Variants in CEMIP observed in about 807,000 individuals in gnomAD.
CEMIP encodes the protein cell migration inducing hyaluronidase 1.
Under a neutral mutation model 156.9 loss-of-function variants are expected in CEMIP, and 105 were observed. The observed-to-expected ratio is 0.67, with a 90% CI of 0.57 to 0.79. The LOEUF (loss-of-function observed/expected upper bound fraction) is 0.79. Among genes scored for constraint, CEMIP ranks in the 30% least tolerant of loss-of-function variants. The pLI, the probability that CEMIP is intolerant of heterozygous loss-of-function variation, is 0.00. For missense variants in CEMIP, 1,457 were observed against 1,769.4 expected (o/e 0.82, Z 3.17); for synonymous variants, 676 against 668.4 (o/e 1.01, Z -0.17).
intron 10 of CEMIP, among the ~76,000 whole-genome samples, chr15:80,892,582 A>G (rs1021504917): frequency 6.6e-6 from 1 of 152,158 alleles, no homozygotes; most frequent in Non-Finnish European, 1.5e-5. Flanking sequence ...ACAAAAACAT[A>G]TTCTGAAGCC....
At chr15:80,910,550 G>A (rs1216445607) in intron 14 of CEMIP, among the ~76,000 whole-genome samples, 1 of 152,192 alleles carries the variant, frequency 6.6e-6, no homozygotes, top group Non-Finnish European at 1.5e-5. Context: ...ATAAAGGATT[G>A]TCTGTTGTTT....
chr15:80,922,232 C>G, intron 17 of CEMIP, 95 bp downstream of exon 17: 2 of 1,472,142 alleles, frequency 1.4e-6, no homozygotes, highest in Non-Finnish European at 1.9e-6. Flanking sequence ...TTGGCGACAG[C>G]TGGGAACAAC....
chr15:80,846,442 C>A (rs1274884952), intron 1 of CEMIP, among the ~76,000 whole-genome samples: 1 of 152,196 alleles, frequency 6.6e-6, no homozygotes, highest in African/African-American at 2.4e-5. Flanking sequence ...TAGTGCTTAG[C>A]CTGCACTAAT....
chr15:80,850,210 G>A (rs1377044339), intron 1 of CEMIP, among the ~76,000 whole-genome samples: 10 of 152,254 alleles, frequency 6.6e-5, no homozygotes, highest in South Asian at 6.2e-4. Flanking sequence ...GGAGCTGGCC[G>A]GGGAGTGATT....
intron 23 of CEMIP, among the ~76,000 whole-genome samples, chr15:80,934,115 T>C (rs1901028154): frequency 6.6e-6 from 1 of 152,196 alleles, no homozygotes; most frequent in Admixed American, 6.5e-5. Flanking sequence ...ACTGAAACAA[T>C]AACGTTGTGT....
rs75375546 is a variant in CEMIP, at chr15:80,917,332, T to C, written c.1798-2762T>C. 6.0e-3 allele frequency among the ~76,000 whole-genome samples: 902 copies of C among 150,410 alleles called. 13 individuals carry two copies. The highest frequency in any genetic ancestry group is 0.021 in the African/African-American group (870 of 40,666). On this transcript the variant is annotated intron_variant, in intron 14 of 29. Coordinates refer to ENST00000394685, the MANE Select transcript of CEMIP (RefSeq NM_001293298.2). Reference sequence around the variant, plus strand: ...GAGGCAGGAGGCAAGAGGCCTGAGTTTGATCACAGCTGCAGAATGAGGTTG... The same window carrying C: ...GAGGCAGGAGGCAAGAGGCCTGAGTCTGATCACAGCTGCAGAATGAGGTTG...
intron 1 of CEMIP, among the ~76,000 whole-genome samples, chr15:80,860,101 G>C (rs1302735266): frequency 6.6e-6 from 1 of 152,184 alleles, no homozygotes; most frequent in Non-Finnish European, 1.5e-5. Context: ...GGCTCCGCCT[G>C]CTTTCAAGGC....
chr15:80,881,142 G>A lies in CEMIP; in HGVS notation c.617+6G>A, dbSNP rs182850909. The A allele has an allele frequency of 6.2e-6, 10 of 1,612,280 alleles. No homozygotes were observed. The East Asian group carries it at 1.6e-4, about 25-fold the overall frequency. ...ACAGTCATCCATTCTGACCGGTAAG[G>A]TTTGCCTTCACTTAAACGTATACTC... On this transcript the variant is annotated splice_donor_region_variant and intron_variant, in intron 6 of 29. Transcript: ENST00000394685.
intron 28 of CEMIP, 61 bp downstream of exon 28, chr15:80,943,163 C>T (rs758898481): frequency 6.4e-7 from 1 of 1,564,238 alleles, no homozygotes; most frequent in Admixed American, 1.7e-5. Flanking sequence ...TGGGCAAGGG[C>T]CCCCTCCCTC....
chr15:80,788,793 ATC>A (rs2141571768), intron 1 of CEMIP, among the ~76,000 whole-genome samples: 1 of 152,262 alleles, frequency 6.6e-6, no homozygotes, highest in South Asian at 2.1e-4. Context: ...GAGCCTGCTC[ATC>A]TCTCTTCCGC....
chr15:80,879,749 T>C lies in CEMIP; in HGVS notation c.275T>C (p.Ile92Thr), dbSNP rs1898583069. 2 of 1,614,076 alleles carry C rather than the reference T, an allele frequency of 1.2e-6. No individual in the cohort carries two copies. The highest frequency in any genetic ancestry group is 1.3e-5 in the African/African-American group (1 of 74,920). ...GTCATTAAAGACCACGACGAGCCGA[T>C]TGTTTTGCGAACCCGGCACATCCTG... ...KLVIKDHDEP[I>T]VLRTRHILID... The change falls in exon 5 of 30, where the codon ATT (isoleucine) becomes ACT (threonine). Residue 92 changes from isoleucine to threonine, a missense_variant. Around this residue, in one of 5 missense-constraint regions of CEMIP, gnomAD observed 309 missense variants for 340.8 expected, o/e 0.91. Coordinates refer to ENST00000394685, the MANE Select transcript of CEMIP (RefSeq NM_001293298.2).
chr15:80,836,259 T>C (rs1469883139), intron 1 of CEMIP, among the ~76,000 whole-genome samples: 1 of 152,212 alleles, frequency 6.6e-6, no homozygotes, highest in African/African-American at 2.4e-5. Context: ...TCAGTTCTGC[T>C]TCTCTAAGAG....
chr15:80,829,555 G>A (rs1303945395), intron 1 of CEMIP, among the ~76,000 whole-genome samples: 2 of 152,162 alleles, frequency 1.3e-5, no homozygotes, highest in Non-Finnish European at 2.9e-5. Flanking sequence ...CATATTCCAC[G>A]GAACCCTAGG....
intron 1 of CEMIP, among the ~76,000 whole-genome samples, chr15:80,802,653 G>C (rs1297244296): frequency 6.6e-6 from 1 of 152,218 alleles, no homozygotes; most frequent in Non-Finnish European, 1.5e-5. Context: ...ATGTTTGAAT[G>C]ACTGAAATAA....
chr15:80,860,124 C>T (rs1163123696), intron 1 of CEMIP, among the ~76,000 whole-genome samples: 1 of 152,236 alleles, frequency 6.6e-6, no homozygotes, highest in East Asian at 1.9e-4. Context: ...CTGGATGAGT[C>T]TCTCCAGTGC....
chr15:80,804,366 T>C (rs1401652440), intron 1 of CEMIP, among the ~76,000 whole-genome samples: 2 of 152,238 alleles, frequency 1.3e-5, no homozygotes, highest in South Asian at 2.1e-4. Flanking sequence ...TGGGAGACAG[T>C]GTCTCCTTTA....
At chr15:80,792,894 C>G (rs1215131851) in intron 1 of CEMIP, among the ~76,000 whole-genome samples, 1 of 152,140 alleles carries the variant, frequency 6.6e-6, no homozygotes, top group Non-Finnish European at 1.5e-5. Context: ...CTGAGACATT[C>G]AGGCATGAAT....
At chr15:80,925,844 G>A in intron 19 of CEMIP, 89 bp downstream of exon 19, 4 of 1,522,004 alleles carry the variant, frequency 2.6e-6, no homozygotes, top group Non-Finnish European at 3.5e-6. Flanking sequence ...GCAAAGCAGA[G>A]AGGGGAAGCC....
At chr15:80,832,511 A>C (rs1029808050) in intron 1 of CEMIP, among the ~76,000 whole-genome samples, 4 of 152,146 alleles carry the variant, frequency 2.6e-5, no homozygotes, top group African/African-American at 9.7e-5. Flanking sequence ...AAATGAGTGC[A>C]TGTTGTGCAT....
Sources: allele counts gnomAD v4.1 joint callset (sites outside exome capture counted in the v4.1 genomes callset), GRCh38; gene constraint gnomAD v4.1.1; regional missense constraint gnomAD v4.1.1; transcripts MANE v1.5; gene names NCBI Gene and HGNC (gene_info 2026-07-23, HGNC 2026-07-21).